The following KIAA1217 variants were observed in gnomAD, a reference collection of about 807,000 sequenced individuals.
The protein encoded by KIAA1217 is KIAA1217.
Under a neutral mutation model 163.9 loss-of-function variants are expected in KIAA1217, and 88 were observed. That is an observed-to-expected ratio of 0.54 (90% CI 0.45 to 0.64). KIAA1217 has a LOEUF of 0.64. Among genes scored for constraint, KIAA1217 ranks in the 30% least tolerant of loss-of-function variants. KIAA1217 has a pLI of 0.00. For synonymous variants in KIAA1217, 903 were observed against 923.1 expected (o/e 0.98, Z 0.39); for missense variants, 2,372 against 2,475.0 (o/e 0.96, Z 0.88).
intron 2 of KIAA1217, among the ~76,000 whole-genome samples, chr10:24,192,619 A>G (rs576180749): frequency 6.6e-6 from 1 of 152,238 alleles, no homozygotes; most frequent in South Asian, 2.1e-4. Flanking sequence ...CTCCAACCTC[A>G]GTTAGAGGTC....
chr10:24,158,191 C>T, intron 2 of KIAA1217: 1 of 740,856 alleles, frequency 1.3e-6, no homozygotes, highest in South Asian at 1.4e-5. Flanking sequence ...GATGCAGAGT[C>T]CTCTTACTGG....
chr10:23,928,995 C>T (rs1051568146), intron 1 of KIAA1217, among the ~76,000 whole-genome samples: 7 of 152,050 alleles, frequency 4.6e-5, no homozygotes, highest in Admixed American at 2.6e-4. Flanking sequence ...GAGGTTCCAG[C>T]GTACACAAGC....
chr10:24,536,992 CT>C, intron 17 of KIAA1217, 99 bp downstream of exon 17: 3 of 1,376,890 alleles, frequency 2.2e-6, no homozygotes, highest in Non-Finnish European at 3.0e-6. Context: ...TCCCCTCTGT[CT>C]TTTTTCTCTC....
At position 23,946,009 on chromosome 10, in the gene KIAA1217, TCAATAG is replaced by T. The variant is rs1844023536; in HGVS notation, c.-320-61215_-320-61210del. ...CTCTAGTGGTTACTTAAGTTCCATG[TCAATAG>T]TATTAGGCTGGTGAAATAGTAATTG... is the stretch of plus-strand genomic sequence containing the variant. On this transcript the variant is annotated intron_variant, in intron 1 of 18. Transcript: ENST00000376462. Among the ~76,000 whole-genome samples the T allele has an allele frequency of 2.6e-5, 4 of 152,300 alleles. No individual in the cohort carries two copies. The South Asian group carries it at 8.3e-4, about 32-fold the overall frequency.
intron 1 of KIAA1217, among the ~76,000 whole-genome samples, chr10:23,917,686 G>T (rs1485338595): frequency 5.9e-5 from 9 of 152,186 alleles, no homozygotes; most frequent in Non-Finnish European, 1.2e-4. Flanking sequence ...TTCCAGGAAG[G>T]TAACACAGGG....
chr10:23,949,298 T>A (rs1054110813), intron 1 of KIAA1217, among the ~76,000 whole-genome samples: 1 of 152,202 alleles, frequency 6.6e-6, no homozygotes, highest in Non-Finnish European at 1.5e-5. Flanking sequence ...AAGAGGACAG[T>A]TGTTTTCTGG....
chr10:24,520,276 G>A (rs2134503185), intron 11 of KIAA1217, 23 bp downstream of exon 11: 2 of 1,613,472 alleles, frequency 1.2e-6, no homozygotes, highest in Non-Finnish European at 1.7e-6. Flanking sequence ...CTGGGTCGGG[G>A]GAGGAGTCTG....
chr10:23,698,147 C>A (rs1031675841), intron 1 of KIAA1217, among the ~76,000 whole-genome samples: 1 of 152,060 alleles, frequency 6.6e-6, no homozygotes, highest in Admixed American at 6.5e-5. Context: ...TAGAGCATTG[C>A]TTTGTTTGGG....
intron 1 of KIAA1217, among the ~76,000 whole-genome samples, chr10:23,907,180 G>A (rs1214310195): frequency 6.6e-6 from 1 of 151,984 alleles, no homozygotes; most frequent in East Asian, 1.9e-4. Flanking sequence ...CAAATAGGCT[G>A]CATCTTTTCA....
At chr10:23,790,898 T>C (rs1003493789) in intron 1 of KIAA1217, among the ~76,000 whole-genome samples, 1 of 151,722 alleles carries the variant, frequency 6.6e-6, no homozygotes, top group African/African-American at 2.4e-5. Flanking sequence ...CCAGGCCCAG[T>C]TAATTTATAT....
chr10:24,050,828 C>T (rs1476817576), intron 2 of KIAA1217, among the ~76,000 whole-genome samples: 3 of 152,130 alleles, frequency 2.0e-5, no homozygotes, highest in African/African-American at 7.2e-5. Flanking sequence ...TAACTCAATG[C>T]TTTTTTTCCT....
rs1400213356 is a variant in KIAA1217 at position 23,790,535 on chromosome 10, A to ATG, written c.-321+95302_-321+95303insGT. On this transcript the variant is annotated intron_variant, in intron 1 of 18. Coordinates refer to the KIAA1217 transcript ENST00000376462. ...CATATGTATATATACATATATACAT[A>ATG]TACATGTGCATATATACATATGTAC... Among the ~76,000 whole-genome samples, 114 of 86,358 alleles carry ATG rather than the reference A, an allele frequency of 1.3e-3. 27 individuals are homozygous for ATG. The highest frequency in any genetic ancestry group is 0.01 in the African/African-American group (113 of 10,792). The allele number at this position is 86,358 out of a possible 152,430, so 56.7% of individuals were successfully genotyped here. A position where few individuals can be genotyped will look rare whatever the true frequency, so the allele number is the denominator to read the frequency against.
Position 24,495,212 on chromosome 10 carries a change from T to A in KIAA1217, c.1834+16T>A. 1 of 1,609,766 alleles carries A rather than the reference T, an allele frequency of 6.2e-7. No homozygotes were observed. Among genetic ancestry groups the A allele is most frequent in the South Asian group, 1.1e-5 (1 of 89,902 alleles). ...GATAGTGCAGGTAAGTAAGTGTTTT[T>A]GGAGCTGTAGGAGGCCTGTGGGCTG... On this transcript the variant is annotated intron_variant, in intron 8 of 20. Transcript: ENST00000376454.
chr10:24,316,689 C>T (rs1039976863), intron 2 of KIAA1217, among the ~76,000 whole-genome samples: 3 of 152,196 alleles, frequency 2.0e-5, no homozygotes, highest in Non-Finnish European at 4.4e-5. Flanking sequence ...CTACAGGATA[C>T]CCCATCCCAT....
chr10:24,250,251 C>A (rs1046751602), intron 2 of KIAA1217, among the ~76,000 whole-genome samples: 9 of 152,126 alleles, frequency 5.9e-5, no homozygotes, highest in Non-Finnish European at 1.0e-4. Flanking sequence ...CCTGTACTCT[C>A]TGAACAGAGC....
chr10:24,351,587 G>T (rs2048468324), intron 2 of KIAA1217, among the ~76,000 whole-genome samples: 1 of 152,138 alleles, frequency 6.6e-6, no homozygotes, highest in Non-Finnish European at 1.5e-5. Context: ...TTGGGTTGAG[G>T]CAGAACTCAT....
chr10:24,382,276 G>T (rs918286231), intron 3 of KIAA1217, among the ~76,000 whole-genome samples: 7 of 152,028 alleles, frequency 4.6e-5, no homozygotes, highest in African/African-American at 1.7e-4. Context: ...ACGTGCAAAA[G>T]ACAGCTGAAC....
At chr10:23,989,684 TA>T (rs1846132733) in intron 1 of KIAA1217, among the ~76,000 whole-genome samples, 2 of 152,172 alleles carry the variant, frequency 1.3e-5, no homozygotes, top group South Asian at 4.1e-4. Context: ...TACTTTTAAT[TA>T]GGGATTTTTA....
intron 2 of KIAA1217, among the ~76,000 whole-genome samples, chr10:24,035,875 A>G (rs994582302): frequency 2.0e-5 from 3 of 152,206 alleles, no homozygotes; most frequent in Non-Finnish European, 4.4e-5. Flanking sequence ...AGGCAGCTCA[A>G]AGCTAGGCAT....
Sources: gnomAD v4.1 joint callset for allele counts (sites outside exome capture counted in the v4.1 genomes callset) on GRCh38, gnomAD v4.1.1 for gene constraint, MANE v1.5 for transcripts, NCBI Gene and HGNC (gene_info 2026-07-23, HGNC 2026-07-21) for gene names.